Variants in NIPSNAP1 observed in about 807,000 individuals in gnomAD.
The protein encoded by NIPSNAP1 is protein NipSnap homolog 1.
Under a neutral mutation model 49.2 loss-of-function variants are expected in NIPSNAP1, and 25 were observed. The ratio of observed to expected loss-of-function variants is 0.51; its 90% CI spans 0.37 to 0.71. The LOEUF (loss-of-function observed/expected upper bound fraction) is 0.71. Among genes scored for constraint, NIPSNAP1 ranks in the 30% least tolerant of loss-of-function variants. NIPSNAP1 has a pLI of 0.00. For synonymous variants in NIPSNAP1, 143 were observed against 140.7 expected (o/e 1.02, Z -0.12); for missense variants, 294 against 361.0 (o/e 0.81, Z 1.50).
chr22:29,570,199 C>T lies in NIPSNAP1; in HGVS notation c.235G>A (p.Val79Ile), dbSNP rs1439424357. 2 of 1,613,804 alleles carry T rather than the reference C, an allele frequency of 1.2e-6. No homozygotes were observed. The highest frequency in any genetic ancestry group is 8.5e-7 in the Non-Finnish European group (1 of 1,180,006). Reference sequence around the variant, plus strand: ...TAGGCATCCAGGTATTCAGGCTTTACATTGTGAACTGCAACAGAGGACAGA... The same window carrying T: ...TAGGCATCCAGGTATTCAGGCTTTATATTGTGAACTGCAACAGAGGACAGA... ...SNLYKIQFHN[V>I]KPEYLDAYNS... is the part of the protein sequence containing the mutation. Residue 79 changes from valine (V) to isoleucine (I), a missense_variant, in exon 3 of 10, where the codon GTA (valine) becomes ATA (isoleucine). Transcript: ENST00000216121.
chr22:29,568,576 T>A (rs1342205376), intron 4 of NIPSNAP1, among the ~76,000 whole-genome samples: 1 of 151,824 alleles, frequency 6.6e-6, no homozygotes, highest in East Asian at 1.9e-4. Context: ...GTGGATCACC[T>A]GAGATCAGGA....
At position 29,565,169 on chromosome 22, in the gene NIPSNAP1, A is replaced by C. The variant is rs1477260031; in HGVS notation, c.368-3307T>G. Among the ~76,000 whole-genome samples the C allele has an allele frequency of 2.0e-5, 3 of 152,044 alleles. No individual in the cohort carries two copies. The East Asian group carries it at 5.8e-4, about 29-fold the overall frequency. On this transcript the variant is annotated intron_variant, in intron 4 of 9. Coordinates refer to ENST00000216121, the MANE Select transcript of NIPSNAP1 (RefSeq NM_003634.4). ...CAGTGAACTATGATCATGCCACTGC[A>C]CTCCAAACTGGGTGACAGAGCGAGA... is the stretch of plus-strand genomic sequence containing the variant.
intron 4 of NIPSNAP1, chr22:29,564,466 T>G (rs768426304): frequency 3.4e-4 from 158 of 463,872 alleles, no homozygotes; most frequent in Non-Finnish European, 6.1e-4. Flanking sequence ...CAGGCTGGAG[T>G]GCGGTGGCGT....
chr22:29,580,495 A>G (rs1333189718), intron 1 of NIPSNAP1, among the ~76,000 whole-genome samples: 2 of 152,174 alleles, frequency 1.3e-5, no homozygotes, highest in Non-Finnish European at 2.9e-5. Flanking sequence ...GACAACTCCC[A>G]TTCCCTCTCA....
intron 7 of NIPSNAP1, 21 bp from the exon 8 acceptor site, chr22:29,560,849 T>C (rs2064330463): frequency 1.9e-6 from 3 of 1,609,194 alleles, no homozygotes; most frequent in African/African-American, 1.3e-5. Context: ...CACAATAATA[T>C]GGGGCAGAAG....
intron 4 of NIPSNAP1, among the ~76,000 whole-genome samples, chr22:29,564,800 G>GAACCCTACTCCC (rs2064358421): frequency 6.6e-6 from 1 of 152,194 alleles, no homozygotes. Context: ...GTAGATTCTT[G>GAACCCTACTCCC]AACCCTACTC....
chr22:29,570,384 G>A (rs2064399341), intron 2 of NIPSNAP1, 21 bp downstream of exon 2: 2 of 1,613,902 alleles, frequency 1.2e-6, no homozygotes. Context: ...GCAGAAATTG[G>A]TCAGCTCAGC....
rs1259553899 is a variant in NIPSNAP1 at position 29,570,499 on chromosome 22, G to A, written c.132C>T (p.Phe44=). 2 of 1,613,946 alleles carry A rather than the reference G, an allele frequency of 1.2e-6. No homozygotes were observed. Among genetic ancestry groups the A allele is most frequent in the Non-Finnish European group, 1.7e-6 (2 of 1,179,998 alleles). ...CCACTTTGTGAACAAAGAGGGAGCG[G>A]AACCAGCTGCCTTCATTGTCCTTGG... is the stretch of plus-strand genomic sequence containing the variant. ...FYSKDNEGSW[F]RSLFVHKVDP... Residue 44 remains phenylalanine (F), a synonymous_variant, in exon 2 of 10, where the codon TTC becomes TTT. Coordinates refer to ENST00000216121, the MANE Select transcript of NIPSNAP1 (RefSeq NM_003634.4).
intron 1 of NIPSNAP1, among the ~76,000 whole-genome samples, chr22:29,577,895 ATTT>A (rs34431643): frequency 3.0e-5 from 3 of 99,372 alleles, no homozygotes; most frequent in Admixed American, 1.1e-4. Context: ...ACCATGCCTA[ATTT>A]TTTTTTTTTT....
chr22:29,564,034 T>C (rs1601490069), intron 4 of NIPSNAP1, among the ~76,000 whole-genome samples: 1 of 152,310 alleles, frequency 6.6e-6, no homozygotes, highest in Non-Finnish European at 1.5e-5. Context: ...ACTAATCTAA[T>C]TCCTAGTAAC....
intron 1 of NIPSNAP1, among the ~76,000 whole-genome samples, chr22:29,578,555 G>A (rs2064473126): frequency 6.6e-6 from 1 of 151,298 alleles, no homozygotes; most frequent in Admixed American, 6.6e-5. Flanking sequence ...CAGAAGGGCT[G>A]CTGCTGGCCC....
intron 9 of NIPSNAP1, 48 bp downstream of exon 9, chr22:29,558,822 A>G (rs1436004702): frequency 1.4e-5 from 19 of 1,368,256 alleles, no homozygotes; most frequent in Admixed American, 3.3e-5. Context: ...AGAGGATTCC[A>G]TCCTCAGACA....
chr22:29,571,530 A>G (rs1199866065), intron 1 of NIPSNAP1, among the ~76,000 whole-genome samples: 1 of 152,156 alleles, frequency 6.6e-6, no homozygotes, highest in Non-Finnish European at 1.5e-5. Flanking sequence ...CATCCTAAAC[A>G]CATACCCAAG....
At chr22:29,565,438 G>A (rs1243730868) in intron 4 of NIPSNAP1, among the ~76,000 whole-genome samples, 4 of 151,316 alleles carry the variant, frequency 2.6e-5, no homozygotes, top group East Asian at 2.0e-4. Flanking sequence ...GCTTGAATCC[G>A]GGAGGCAGAG....
chr22:29,567,278 G>C (rs569082900), intron 4 of NIPSNAP1, among the ~76,000 whole-genome samples: 5 of 152,282 alleles, frequency 3.3e-5, no homozygotes, highest in Admixed American at 2.6e-4. Context: ...ACTTTGATGT[G>C]TCTATTAGGC....
intron 4 of NIPSNAP1, 128 bp from the exon 5 acceptor site, chr22:29,561,990 C>T: frequency 1.3e-6 from 1 of 744,174 alleles, no homozygotes. Context: ...GCAAGACTCC[C>T]TGAGTTCCCT....
chr22:29,571,418 T>C (rs1216464812), intron 1 of NIPSNAP1, among the ~76,000 whole-genome samples: 1 of 152,176 alleles, frequency 6.6e-6, no homozygotes, highest in Non-Finnish European at 1.5e-5. Context: ...AATGAATGAA[T>C]GAATGATCAA....
At position 29,580,099 on chromosome 22, in the gene NIPSNAP1, T is replaced by G. The variant is rs868689434; in HGVS notation, c.98+886A>C. On this transcript the variant is annotated intron_variant, in intron 1 of 9. Transcript: ENST00000216121. ...GGGGAGGGGGAACAGGTGGCCTCAC[T>G]TCTTTGGTAAATATTCCTTGACCAT... The G allele has an allele frequency of 6.1e-6, 8 of 1,304,002 alleles. No homozygotes were observed. The Admixed American group carries it at 6.9e-5, about 11-fold the overall frequency. 80.8% of individuals were successfully genotyped at this position (1,304,002 alleles called of 1,614,324 possible).
intron 8 of NIPSNAP1, 70 bp downstream of exon 8, chr22:29,560,664 C>T: frequency 8.2e-7 from 1 of 1,218,350 alleles, no homozygotes; most frequent in East Asian, 2.3e-5. Flanking sequence ...TAATACAACC[C>T]CATTGGCTAC....
Sources: gnomAD v4.1 joint callset for allele counts (sites outside exome capture counted in the v4.1 genomes callset) on GRCh38, gnomAD v4.1.1 for gene constraint, MANE v1.5 for transcripts, NCBI Gene and HGNC (gene_info 2026-07-23, HGNC 2026-07-21) for gene names.